The following SLU7 variants were observed in gnomAD, a reference collection of about 807,000 sequenced individuals.
SLU7 encodes spliceosome associated SLU7.
SLU7 carries 60 observed loss-of-function variants against 87.0 expected under a neutral mutation model. That is an observed-to-expected ratio of 0.69 (90% CI 0.56 to 0.86). The LOEUF is 0.86. SLU7 is among the 40% of genes least tolerant of loss of function. SLU7 has a pLI of 0.00. For missense variants in SLU7, 507 were observed against 686.6 expected, an observed-to-expected ratio of 0.74 and a Z score of 2.92; for synonymous variants, 197 against 222.0, an observed-to-expected ratio of 0.89 and a Z score of 1.00.
intron 14 of SLU7, 40 bp from the exon 15 acceptor site, chr5:160,404,596 A>G (rs1160962853): frequency 2.9e-6 from 4 of 1,388,976 alleles, no homozygotes; most frequent in Non-Finnish European, 4.0e-6. Flanking sequence ...TTAATGTGAA[A>G]ACAAAGCTCA....
chr5:160,414,200 A>G, intron 3 of SLU7, 119 bp downstream of exon 3: 1 of 846,964 alleles, frequency 1.2e-6, no homozygotes, highest in South Asian at 2.1e-5. Flanking sequence ...GTGAATTTCA[A>G]TACCAGATAA....
At position 160,402,744 on chromosome 5, in the gene SLU7, GCGGTGGCT is replaced by G. The variant is rs1764832693; in HGVS notation, c.*533_*540del. On this transcript the variant is annotated 3_prime_UTR_variant, in exon 16 of 16. Transcript: ENST00000297151. Reference sequence around the variant, plus strand: ...ACATAAAACTGGAAATAGGCCAGGCGCGGTGGCTCACGCCTGTAATCTCAGCACTTTGG... The same window carrying G: ...ACATAAAACTGGAAATAGGCCAGGCGCACGCCTGTAATCTCAGCACTTTGG... The G allele has an allele frequency of 6.6e-6, 1 of 152,192 alleles. No individual in the cohort carries two copies. The highest frequency in any genetic ancestry group is 2.4e-5 in the African/African-American group (1 of 41,422). The allele number at this position is 152,192 out of a possible 1,614,324, so 9.4% of individuals were successfully genotyped here. A position where few individuals can be genotyped will look rare whatever the true frequency, so the allele number is the denominator to read the frequency against.
chr5:160,405,032 A>G lies in SLU7; in HGVS notation c.1391T>C (p.Val464Ala), dbSNP rs759285415. ...TAAGAACCAAAGACAATTACTTACAACAATCTCCTTCCCAGCTTCTCCAGT... is the reference window on the plus strand; with the variant it reads ...TAAGAACCAAAGACAATTACTTACAGCAATCTCCTTCCCAGCTTCTCCAGT... ...YCTGEAGKEIVNSEECIINEI... is the reference protein window; with the variant it reads ...YCTGEAGKEIANSEECIINEI... The change falls in exon 13 of 16, where the codon GTT (valine) becomes GCT (alanine). Residue 464 changes from valine to alanine, a missense_variant and splice_region_variant. Val to Ala is a moderately conservative substitution (Grantham distance 64). Coordinates refer to ENST00000297151, the MANE Select transcript of SLU7 (RefSeq NM_006425.5). 5.0e-6 allele frequency: 8 copies of G among 1,608,818 alleles called. 1 individual carries two copies. In the Admixed American group the frequency reaches 1.3e-4, roughly 27 times the overall value.
At chr5:160,412,302 G>C in intron 6 of SLU7, 149 bp downstream of exon 6, 2 of 554,556 alleles carry the variant, frequency 3.6e-6, no homozygotes, top group South Asian at 5.3e-5. Flanking sequence ...ATATTACTAT[G>C]AACTGTATAC....
intron 8 of SLU7, 53 bp downstream of exon 8, chr5:160,408,276 T>C: frequency 1.3e-6 from 2 of 1,555,332 alleles, no homozygotes; most frequent in Non-Finnish European, 1.8e-6. Context: ...ATAAAATTTA[T>C]GCTGGGAAGA....
chr5:160,413,403 C>T, intron 5 of SLU7, 53 bp downstream of exon 5: 5 of 1,538,636 alleles, frequency 3.2e-6, no homozygotes, highest in Non-Finnish European at 4.5e-6. Flanking sequence ...GCTAGAGATA[C>T]AGCAAAAGGA....
rs1765326057 is a variant in SLU7, at chr5:160,413,528, C to T, written c.498G>A (p.Lys166=). 6.2e-6 allele frequency: 10 copies of T among 1,613,906 alleles called. No individual in the cohort carries two copies. Among genetic ancestry groups the T allele is most frequent in the Non-Finnish European group, 8.5e-6 (10 of 1,179,932 alleles). ...QPQLMFDYDG[K]RDRWNGYNPE... ...GATTGTAGCCATTCCACCGATCCCT[C>T]TTCCCATCATAGTCAAACATCAGTT... is the stretch of plus-strand genomic sequence containing the variant. Residue 166 remains lysine, a synonymous_variant, in exon 5 of 16, where the codon AAG becomes AAA. Transcript: ENST00000297151.
At chr5:160,414,065 G>T in intron 3 of SLU7, 86 bp from the exon 4 acceptor site, 1 of 863,918 alleles carries the variant, frequency 1.2e-6, no homozygotes, top group Non-Finnish European at 1.7e-6. Context: ...TTTGTCTAGG[G>T]AAATGATTTC....
At chr5:160,409,721 T>C (rs908628432) in intron 6 of SLU7, among the ~76,000 whole-genome samples, 11 of 152,128 alleles carry the variant, frequency 7.2e-5, no homozygotes, top group Non-Finnish European at 1.2e-4. Context: ...TTGCACTCCA[T>C]GGAACACTGA....
In SLU7 at chr5:160,416,217, C is replaced by T. The variant is rs190008805; in HGVS notation, c.-16-907G>A. Among the ~76,000 whole-genome samples the T allele has an allele frequency of 3.6e-4, 55 of 152,116 alleles. 1 individual carries two copies. Among genetic ancestry groups the T allele is most frequent in the Middle Eastern group, 3.4e-3 (1 of 294 alleles). The stretch of plus-strand genomic sequence containing the variant: ...CCCTCTTGGTTTTTCTTGTACCTCT[C>T]TTGTCATCAAATTTTGCCCAGTTAT... On this transcript the variant is annotated intron_variant, in intron 1 of 15. Coordinates refer to ENST00000297151, the MANE Select transcript of SLU7 (RefSeq NM_006425.5).
chr5:160,404,508 TTTTC>T lies in SLU7; in HGVS notation c.1509_1512del (p.Lys504ArgfsTer21). 5 of 1,611,606 alleles carry T rather than the reference TTTTC, an allele frequency of 3.1e-6. No homozygotes were observed. Among genetic ancestry groups the T allele is most frequent in the Non-Finnish European group, 4.2e-6 (5 of 1,178,808 alleles). On this transcript the variant is annotated frameshift_variant, in exon 15 of 16. Coordinates refer to ENST00000297151, the MANE Select transcript of SLU7 (RefSeq NM_006425.5). LOFTEE classifies it high-confidence loss of function. ...GAACTGCTCTTTCGATGCTTCTTCT[TTTTC>T]TTTTTCTTCTTCTTCTTTTCCTCTT...
intron 1 of SLU7, 73 bp downstream of exon 1, chr5:160,418,950 T>C (rs1765586432): frequency 6.6e-6 from 1 of 152,246 alleles, no homozygotes; most frequent in Non-Finnish European, 1.5e-5. Flanking sequence ...ATCCAATAAT[T>C]AGGAGCCTTC....
At chr5:160,409,891 C>G (rs1765161624) in intron 6 of SLU7, among the ~76,000 whole-genome samples, 1 of 152,068 alleles carries the variant, frequency 6.6e-6, no homozygotes, top group Admixed American at 6.5e-5. Context: ...CACACATACA[C>G]AAAAGAGTTG....
Position 160,407,853 on chromosome 5 carries a change from T to A in SLU7, c.918-40A>T. On this transcript the variant is annotated intron_variant, in intron 9 of 15. Transcript: ENST00000297151. The surrounding 1 kb of genome is among the most constrained non-coding windows in gnomAD (Gnocchi z 4.2). ...AAAGAAAATGTTTCAGAGATTGATTTAAGGAAAATTAATTCGTAAAACTGA... is the reference window on the plus strand; with the variant it reads ...AAAGAAAATGTTTCAGAGATTGATTAAAGGAAAATTAATTCGTAAAACTGA... 1.3e-6 allele frequency: 2 copies of A among 1,547,776 alleles called. No homozygotes were observed. The highest frequency in any genetic ancestry group is 1.1e-5 in the South Asian group (1 of 88,646).
In SLU7 at chr5:160,419,067, A is replaced by G. The variant is rs17057781; in HGVS notation, c.-61T>C. On this transcript the variant is annotated 5_prime_UTR_variant, in exon 1 of 16. Coordinates refer to ENST00000297151, the MANE Select transcript of SLU7 (RefSeq NM_006425.5). ...CCCCAAGTCCATCCGACAGAATCCA[A>G]GCCAATCTCGTAATGTTTACTTCCG... The G allele has an allele frequency of 0.14, 21,584 of 152,284 alleles. 1,585 individuals carry two copies. Among genetic ancestry groups the G allele is most frequent in the East Asian group, 0.21 (1,064 of 5,174 alleles). The allele number at this position is 152,284 out of a possible 1,614,324, so 9.4% of individuals were successfully genotyped here.
Position 160,407,343 on chromosome 5 carries a change from A to G in SLU7, c.1125+133T>C. 1.4e-6 allele frequency: 1 copy of G among 739,622 alleles called. No individual in the cohort carries two copies. Among genetic ancestry groups the G allele is most frequent in the South Asian group, 2.0e-5 (1 of 49,412 alleles). The allele number at this position is 739,622 out of a possible 1,614,324, so 45.8% of individuals were successfully genotyped here. A position where few individuals can be genotyped will look rare whatever the true frequency, so the allele number is the denominator to read the frequency against. On this transcript the variant is annotated intron_variant, in intron 11 of 15. Coordinates refer to ENST00000297151, the MANE Select transcript of SLU7 (RefSeq NM_006425.5). This position sits in a 1 kb window ranked among gnomAD's most constrained non-coding sequence, Gnocchi z 4.2. ...CAAAATTACCATCTGACTAAGAGAA[A>G]GGAAGAAAAGGACTATTCTTCATGG...
In SLU7 at chr5:160,407,156, GC is replaced by G. The variant is rs1443168627; in HGVS notation, c.1125+319del. Among the ~76,000 whole-genome samples the G allele has an allele frequency of 1.3e-5, 2 of 152,228 alleles. No individual in the cohort carries two copies. The highest frequency in any genetic ancestry group is 2.9e-5 in the Non-Finnish European group (2 of 68,036). ...AGAAGAGGTCCCCTTAGGACAATTA[GC>G]CTGTTAACTGCTAAACACAAGAGTG... is the stretch of plus-strand genomic sequence containing the variant. On this transcript the variant is annotated intron_variant, in intron 11 of 15. Coordinates refer to ENST00000297151, the MANE Select transcript of SLU7 (RefSeq NM_006425.5). This position sits in a 1 kb window ranked among gnomAD's most constrained non-coding sequence, Gnocchi z 4.2.
At chr5:160,409,173 G>C (rs1330461639) in intron 6 of SLU7, among the ~76,000 whole-genome samples, 1 of 152,008 alleles carries the variant, frequency 6.6e-6, no homozygotes, top group Non-Finnish European at 1.5e-5. Flanking sequence ...TTCCTAGTAA[G>C]TCCAAAAAGA....
In SLU7 at chr5:160,404,990, C is replaced by T. The variant is rs575778282; in HGVS notation, c.1392+41G>A. 1.9e-5 allele frequency: 29 copies of T among 1,551,154 alleles called. No individual in the cohort carries two copies. The Admixed American group carries it at 3.9e-4, about 21-fold the overall frequency. On this transcript the variant is annotated intron_variant, in intron 13 of 15. Coordinates refer to ENST00000297151, the MANE Select transcript of SLU7 (RefSeq NM_006425.5). ...ATGTTTTAGTTTGACTTAGGAGCTT[C>T]GGTTGTTTTATACCTTTAAGAACCA...
Sources: allele counts gnomAD v4.1 joint callset (sites outside exome capture counted in the v4.1 genomes callset), GRCh38; gene constraint gnomAD v4.1.1; non-coding constraint Gnocchi (gnomAD v3.1); transcripts MANE v1.5; gene names NCBI Gene and HGNC (gene_info 2026-07-23, HGNC 2026-07-21).